The following FANK1 variants were observed in gnomAD, a reference collection of about 807,000 sequenced individuals.
The protein encoded by FANK1 is fibronectin type 3 and ankyrin repeat domains protein 1.
FANK1 carries 44 observed loss-of-function variants against 45.3 expected under a neutral mutation model. That is an observed-to-expected ratio of 0.97 (90% CI 0.76 to 1.25). The LOEUF (loss-of-function observed/expected upper bound fraction) is 1.25. Among genes scored for constraint, FANK1 ranks in the 50% most tolerant of loss-of-function variants. The pLI, the probability that FANK1 is intolerant of heterozygous loss-of-function variation, is 0.00. For synonymous variants in FANK1, 149 were observed against 152.5 expected (o/e 0.98, Z 0.17); for missense variants, 391 against 424.4 (o/e 0.92, Z 0.69).
intron 1 of FANK1, among the ~76,000 whole-genome samples, chr10:125,936,771 T>G (rs912999597): frequency 2.0e-5 from 3 of 152,144 alleles, no homozygotes. Context: ...TTGGCTATTA[T>G]GAATAGTACC....
intron 6 of FANK1, among the ~76,000 whole-genome samples, chr10:126,000,551 T>C (rs1564967056): frequency 6.6e-6 from 1 of 152,154 alleles, no homozygotes; most frequent in Non-Finnish European, 1.5e-5. Flanking sequence ...CCTGGTCTTA[T>C]AGCGTGTACC....
intron 1 of FANK1, among the ~76,000 whole-genome samples, chr10:125,923,505 A>G (rs1424271802): frequency 6.6e-6 from 1 of 151,938 alleles, no homozygotes; most frequent in African/African-American, 2.4e-5. Context: ...GTCTGTTGGC[A>G]TAAAGGTATT....
At chr10:125,917,705 A>C (rs1230773884) in intron 1 of FANK1, among the ~76,000 whole-genome samples, 1 of 152,270 alleles carries the variant, frequency 6.6e-6, no homozygotes, top group African/African-American at 2.4e-5. Context: ...AAGAAATTAG[A>C]AGGGTGGAGG....
At chr10:125,980,469 C>T in intron 2 of FANK1, 131 bp downstream of exon 2, 1 of 1,077,684 alleles carries the variant, frequency 9.3e-7, no homozygotes. Context: ...TATTCATGCT[C>T]TTTTATGAAT....
chr10:125,935,210 C>T (rs1948019624), intron 1 of FANK1, among the ~76,000 whole-genome samples: 2 of 152,156 alleles, frequency 1.3e-5, no homozygotes, highest in African/African-American at 4.8e-5. Context: ...AATATTTCTT[C>T]GTGGCATCGA....
At chr10:125,947,458 G>T (rs1948889387) in intron 1 of FANK1, among the ~76,000 whole-genome samples, 1 of 150,158 alleles carries the variant, frequency 6.7e-6, no homozygotes, top group Admixed American at 6.6e-5. Flanking sequence ...GGCAGGGGTT[G>T]CAATCCTAGT....
intron 1 of FANK1, among the ~76,000 whole-genome samples, chr10:125,953,987 G>A (rs924356465): frequency 1.4e-5 from 2 of 146,302 alleles, no homozygotes; most frequent in Admixed American, 6.8e-5. Flanking sequence ...GGTGCTGCTC[G>A]CAAGTTTGGT....
intron 1 of FANK1, among the ~76,000 whole-genome samples, chr10:125,960,601 A>C (rs1166980315): frequency 6.6e-6 from 1 of 152,236 alleles, no homozygotes. Context: ...ATCTTGGCTC[A>C]CTGCAAGCTC....
chr10:125,963,386 C>G lies in FANK1; in HGVS notation c.14-16775C>G, dbSNP rs141315652. On this transcript the variant is annotated intron_variant, in intron 1 of 10. Transcript: ENST00000368693. ...AGAAATACCATTTGACCCAGCCATC[C>G]CATTACTGGGTATCTACCCAAAGGA... Among the ~76,000 whole-genome samples the G allele has an allele frequency of 9.6e-4, 146 of 152,300 alleles. 1 individual carries two copies. The highest frequency in any genetic ancestry group is 3.4e-3 in the African/African-American group (143 of 41,556).
rs1463402790 is a variant in FANK1, at chr10:125,983,353, G to A, written c.191+3015G>A. On this transcript the variant is annotated intron_variant, in intron 2 of 10. Coordinates refer to ENST00000368693, the MANE Select transcript of FANK1 (RefSeq NM_145235.5). The surrounding 1 kb of genome is among the most constrained non-coding windows in gnomAD (Gnocchi z 4.3). ...CATCAGCGTGTATTATTGAGTGTCT[G>A]CCGTGTGTCAGACACTGCTCCGGAT... Among the ~76,000 whole-genome samples the A allele has an allele frequency of 6.6e-6, 1 of 152,142 alleles. No individual in the cohort carries two copies. Among genetic ancestry groups the A allele is most frequent in the Non-Finnish European group, 1.5e-5 (1 of 68,040 alleles).
At chr10:125,974,258 C>G (rs1283241145) in intron 1 of FANK1, among the ~76,000 whole-genome samples, 1 of 152,108 alleles carries the variant, frequency 6.6e-6, no homozygotes, top group African/African-American at 2.4e-5. Flanking sequence ...GCTGTGTGCC[C>G]CACTGGCCTG....
chr10:125,905,127 T>A, intron 1 of FANK1, among the ~76,000 whole-genome samples: 1 of 60,522 alleles, frequency 1.7e-5, no homozygotes, highest in Non-Finnish European at 2.9e-5. Flanking sequence ...CGAGACTCTG[T>A]CCCAAAAAAA....
intron 3 of FANK1, among the ~76,000 whole-genome samples, chr10:125,992,553 G>A (rs1004151686): frequency 3.3e-5 from 5 of 152,090 alleles, no homozygotes; most frequent in African/African-American, 1.2e-4. Flanking sequence ...TTTACCTCCC[G>A]TGGAAGCTGG....
intron 1 of FANK1, among the ~76,000 whole-genome samples, chr10:125,948,315 A>G (rs1026998648): frequency 1.3e-5 from 2 of 152,194 alleles, no homozygotes; most frequent in African/African-American, 4.8e-5. Flanking sequence ...AAAAAAATCA[A>G]TGAATCCAGG....
intron 1 of FANK1, among the ~76,000 whole-genome samples, chr10:125,971,688 C>G (rs954657522): frequency 6.6e-6 from 1 of 152,088 alleles, no homozygotes; most frequent in African/African-American, 2.4e-5. Flanking sequence ...GTGGCATGAT[C>G]TTGGCTCACT....
At chr10:125,970,390 C>T (rs188977556) in intron 1 of FANK1, among the ~76,000 whole-genome samples, 1,862 of 152,036 alleles carry the variant, frequency 0.012, 13 homozygotes, top group Non-Finnish European at 0.017. Flanking sequence ...AGACGATGGG[C>T]GGCCAGGCAG....
At chr10:125,953,696 C>G (rs1470475685) in intron 1 of FANK1, among the ~76,000 whole-genome samples, 1 of 152,100 alleles carries the variant, frequency 6.6e-6, no homozygotes, top group Non-Finnish European at 1.5e-5. Context: ...TTTTTCATTT[C>G]AGAGAGAGCT....
At chr10:125,978,742 T>C (rs572676776) in intron 1 of FANK1, among the ~76,000 whole-genome samples, 1 of 152,294 alleles carries the variant, frequency 6.6e-6, no homozygotes, top group South Asian at 2.1e-4. Flanking sequence ...TGGGAGCTCC[T>C]TCTTAGGGTG....
At position 125,980,315 on chromosome 10, in the gene FANK1, G is replaced by A. The variant is rs537760312; in HGVS notation, c.168G>A (p.Met56Ile). The A allele has an allele frequency of 4.8e-5, 78 of 1,614,024 alleles. 1 individual carries two copies. In the South Asian group the frequency reaches 8.2e-4, roughly 17 times the overall value. ...CGATTGAAGAAGAAGACCCCAAAAT[G>A]CACACTTATGGTATCATTTATACGT... ...RFSIEEEDPK[M>I]HTYGIIYTGY... Residue 56 changes from methionine to isoleucine, a missense_variant, in exon 2 of 11, where the codon ATG (methionine) becomes ATA (isoleucine). Coordinates refer to ENST00000368693, the MANE Select transcript of FANK1 (RefSeq NM_145235.5).
Sources: gnomAD v4.1 joint callset for allele counts (sites outside exome capture counted in the v4.1 genomes callset) on GRCh38, gnomAD v4.1.1 for gene constraint, Gnocchi (gnomAD v3.1) non-coding constraint, MANE v1.5 for transcripts, NCBI Gene and HGNC (gene_info 2026-07-23, HGNC 2026-07-21) for gene names.